USP36: variants seen among roughly 807,000 people sequenced by gnomAD.
USP36 encodes the protein ubiquitin specific peptidase 36.
USP36 carries 59 observed loss-of-function variants against 111.5 expected under a neutral mutation model. The ratio of observed to expected loss-of-function variants is 0.53; its 90% CI spans 0.43 to 0.66. The LOEUF is 0.66. Ranked by LOEUF, USP36 falls within the 30% of genes least tolerant of loss-of-function variation. USP36 has a pLI of 0.00. For missense variants in USP36, 1,488 were observed against 1,468.0 expected (o/e 1.01, Z -0.22); for synonymous variants, 628 against 581.0 (o/e 1.08, Z -1.16).
At chr17:78,806,118 A>G (rs1421397688) in intron 15 of USP36, 38 bp downstream of exon 15, 1 of 1,611,432 alleles carries the variant, frequency 6.2e-7, no homozygotes, top group East Asian at 2.2e-5. Context: ...CACAGGGAGA[A>G]CCAGTTGGCA....
rs372356830 is a variant in USP36 at position 78,835,455 on chromosome 17, C to A, written c.300G>T (p.Pro100=). The A allele has an allele frequency of 3.1e-6, 5 of 1,612,936 alleles. No homozygotes were observed. In the Admixed American group the frequency reaches 6.7e-5, roughly 22 times the overall value. ...YESCGDGVPA[P]QKVLFPTERL... ...GCTCCGTGGGGAAAAGCACTTTCTG[C>A]GGGGCTGGGACTCCGTCACCACAGC... The change falls in exon 4 of 21, where the codon CCG becomes CCT. Residue 100 remains proline (P), a synonymous_variant. Coordinates refer to ENST00000449938, the MANE Select transcript of USP36 (RefSeq NM_001385174.1).
rs540454498 is a variant in USP36, at chr17:78,803,936, G to A, written c.2259C>T (p.Pro753=). 3 of 1,603,158 alleles carry A rather than the reference G, an allele frequency of 1.9e-6. No homozygotes were observed. The highest frequency in any genetic ancestry group is 2.7e-5 in the African/African-American group (2 of 74,690). The change falls in exon 16 of 21, where the codon CCC becomes CCT. Residue 753 remains proline, a synonymous_variant. Coordinates refer to ENST00000449938, the MANE Select transcript of USP36 (RefSeq NM_001385174.1). The surrounding 1 kb of genome is among the most constrained non-coding windows in gnomAD (Gnocchi z 4.6). The stretch of plus-strand genomic sequence containing the variant: ...GCAATGTGGGGTGGGGGCTGAAGGG[G>A]GGTTGCAGGCGGCTGGATGATTGGG... ...PAPQSSSRLQ[P]PFSPHPTLLS...
chr17:78,840,435 G>A (rs2069171635), intron 1 of USP36: 1 of 152,436 alleles, frequency 6.6e-6, no homozygotes, highest in African/African-American at 2.4e-5. Flanking sequence ...CACAGACAGC[G>A]GGCCCCGGCG....
chr17:78,810,090 C>T (rs1324969863), intron 13 of USP36, among the ~76,000 whole-genome samples: 2 of 152,142 alleles, frequency 1.3e-5, no homozygotes, highest in Non-Finnish European at 2.9e-5. Flanking sequence ...AAATGGTCCA[C>T]CCACCTCAGC....
chr17:78,792,285 G>A (rs911518806), downstream of USP36, among the ~76,000 whole-genome samples: 1 of 152,056 alleles, frequency 6.6e-6, no homozygotes, highest in Non-Finnish European at 1.5e-5. Context: ...AGTGAGACAC[G>A]GGAGCAGACA....
Position 78,835,328 on chromosome 17 carries a change from T to C in USP36, c.427A>G (p.Thr143Ala). The change falls in exon 4 of 21, where the codon ACA becomes GCA. Residue 143 changes from threonine (T) to alanine (A), a missense_variant. By Grantham distance (58) the Thr-to-Ala change is moderately conservative. Around this residue, in one of 3 missense-constraint regions of USP36, gnomAD observed 219 missense variants for 209.5 expected, o/e 1.05. Transcript: ENST00000449938. ...LNATIQCLTY[T>A]PPLANYLLSK... is the part of the protein sequence containing the mutation. Reference sequence around the variant, plus strand: ...AGCAGGTAGTTGGCTAGAGGTGGTGTGTAGGTCAAGCACTGGATGGTGGCA... The same window carrying C: ...AGCAGGTAGTTGGCTAGAGGTGGTGCGTAGGTCAAGCACTGGATGGTGGCA... 6.2e-7 allele frequency: 1 copy of C among 1,614,188 alleles called. No individual in the cohort carries two copies. The highest frequency in any genetic ancestry group is 8.5e-7 in the Non-Finnish European group (1 of 1,180,042).
intron 13 of USP36, among the ~76,000 whole-genome samples, chr17:78,808,199 T>C (rs2093960646): frequency 6.6e-6 from 1 of 152,198 alleles, no homozygotes; most frequent in Non-Finnish European, 1.5e-5. Flanking sequence ...TGCATCCCAG[T>C]TTTATCTTAA....
At chr17:78,837,115 T>A (rs112053931) in intron 2 of USP36, among the ~76,000 whole-genome samples, 1 of 152,206 alleles carries the variant, frequency 6.6e-6, no homozygotes, top group Admixed American at 6.5e-5. Flanking sequence ...TTAAATAAAT[T>A]ATGAAAATGA....
rs1379098574 is a variant in USP36, at chr17:78,803,518, G to C, written c.2677C>G (p.Gln893Glu). ...ACCTGCTGGCCATTCACCTGTGGCT[G>C]TGTGCCATCTTCCTGCCGTCTGACA... The part of the protein sequence containing the change: ...PAVRRQEDGT[Q>E]PQVNGQQVGC... Residue 893 changes from glutamine (Q) to glutamate (E), a missense_variant, in exon 16 of 21, where the codon CAG (glutamine) becomes GAG (glutamate). Gln to Glu is a conservative substitution (Grantham distance 29). This residue lies in a region of USP36 where 1,073 missense variants were observed against 994.1 expected (regional missense o/e 1.08). Transcript: ENST00000449938. This position sits in a 1 kb window ranked among gnomAD's most constrained non-coding sequence, Gnocchi z 4.6. The C allele has an allele frequency of 6.2e-7, 1 of 1,613,900 alleles. No homozygotes were observed. The highest frequency in any genetic ancestry group is 1.3e-5 in the African/African-American group (1 of 75,042).
In USP36 at chr17:78,827,234, G is replaced by GGGGGGGGGGGGCCCC; in HGVS notation, c.689+10_689+11insGGGGCCCCCCCCCCC. The GGGGGGGGGGGGCCCC allele has an allele frequency of 1.1e-6, 1 of 894,950 alleles. No homozygotes were observed. Among genetic ancestry groups the GGGGGGGGGGGGCCCC allele is most frequent in the Non-Finnish European group, 1.7e-6 (1 of 595,502 alleles). 55.4% of individuals were successfully genotyped at this position (894,950 alleles called of 1,614,324 possible). On this transcript the variant is annotated intron_variant, in intron 6 of 20. Transcript: ENST00000449938. ...CCAAAGCCCTGGGAGGGTGGGTGGGGAAGCACGCACTTGGCACAGCCATTC... is the reference window on the plus strand; with the variant it reads ...CCAAAGCCCTGGGAGGGTGGGTGGGGGGGGGGGGGGGCCCCAAGCACGCACTTGGCACAGCCATTC...
chr17:78,814,694 T>G, intron 10 of USP36, 142 bp from the exon 11 acceptor site: 3 of 1,033,306 alleles, frequency 2.9e-6, no homozygotes, highest in Non-Finnish European at 4.1e-6. Flanking sequence ...GGCTCACGCC[T>G]GTAATCCCAG....
In USP36 at chr17:78,797,600, GA is replaced by G. The variant is rs2093648528; in HGVS notation, c.*299del. On this transcript the variant is annotated 3_prime_UTR_variant, in exon 21 of 21. Coordinates refer to ENST00000449938, the MANE Select transcript of USP36 (RefSeq NM_001385174.1). The stretch of plus-strand genomic sequence containing the variant: ...TCTGCCAGCACAGACCACTGTCTAT[GA>G]AACATGAGAAGGCACAGCCTGGCAA... 1 of 152,378 alleles carries G rather than the reference GA, an allele frequency of 6.6e-6. No individual in the cohort carries two copies. Among genetic ancestry groups the G allele is most frequent in the South Asian group, 2.1e-4 (1 of 4,832 alleles). 9.4% of individuals were successfully genotyped at this position (152,378 alleles called of 1,614,324 possible). A position where few individuals can be genotyped will look rare whatever the true frequency, so the allele number is the denominator to read the frequency against.
chr17:78,813,771 ACCGC>A lies in USP36; in HGVS notation c.1263_1265+1del. 6.2e-7 allele frequency: 1 copy of A among 1,613,790 alleles called. No individual in the cohort carries two copies. The highest frequency in any genetic ancestry group is 8.5e-7 in the Non-Finnish European group (1 of 1,179,762). ...CATCTGGGGAGGGCGTGAGTTTATT[ACCGC>A]AGATAGAACAGCACGTAGGCCTGCT... On this transcript the variant is annotated splice_donor_variant and coding_sequence_variant, in exon 12 of 21. Transcript: ENST00000449938. LOFTEE classifies it high-confidence loss of function.
At chr17:78,810,413 G>A (rs1044562027) in intron 13 of USP36, among the ~76,000 whole-genome samples, 11 of 152,174 alleles carry the variant, frequency 7.2e-5, no homozygotes. Context: ...TCAGCCTCCT[G>A]AGTAGCTGGG....
chr17:78,830,404 A>G (rs1230286355), intron 4 of USP36, among the ~76,000 whole-genome samples: 1 of 152,234 alleles, frequency 6.6e-6, no homozygotes. Flanking sequence ...TTATGTATCC[A>G]CCACTAACAC....
In USP36 at chr17:78,803,392, G is replaced by A. The variant is rs745657752; in HGVS notation, c.2803C>T (p.Arg935Trp). The A allele has an allele frequency of 9.3e-6, 15 of 1,612,832 alleles. No homozygotes were observed. The highest frequency in any genetic ancestry group is 2.2e-5 in the East Asian group (1 of 44,856). ...EEGGLHQDPL[R>W]HSCSPMGDGD... is the part of the protein sequence containing the mutation. ...CTTTGCTCCTGCCCTTACCTGTGCC[G>A]AAGTGGGTCCTGGTGCAGGCCGCCT... is the stretch of plus-strand genomic sequence containing the variant. Residue 935 changes from arginine (R) to tryptophan (W), a missense_variant, in exon 16 of 21, where the codon CGG (arginine) becomes TGG (tryptophan). Transcript: ENST00000449938. This position sits in a 1 kb window ranked among gnomAD's most constrained non-coding sequence, Gnocchi z 4.6.
intron 10 of USP36, among the ~76,000 whole-genome samples, chr17:78,816,347 C>T (rs558721260): frequency 6.6e-6 from 1 of 151,784 alleles, no homozygotes; most frequent in Non-Finnish European, 1.5e-5. Flanking sequence ...TTTTTTAGGC[C>T]GGGCATGATG....
At chr17:78,804,489 CAAAAACA>C (rs1160420261) in intron 15 of USP36, among the ~76,000 whole-genome samples, 2 of 50,578 alleles carry the variant, frequency 4.0e-5, no homozygotes, top group Non-Finnish European at 9.0e-5. Flanking sequence ...AAAACAAAAA[CAAAAACA>C]AAAAAAAAAA....
Position 78,798,937 on chromosome 17 carries a change from C to T in USP36, c.3211G>A (p.Asp1071Asn). The T allele has an allele frequency of 6.2e-7, 1 of 1,614,170 alleles. No individual in the cohort carries two copies. The highest frequency in any genetic ancestry group is 8.5e-7 in the Non-Finnish European group (1 of 1,180,042). Reference sequence around the variant, plus strand: ...CCTCGGTCAAACTCTTCGTCCCAGTCATCAACCACGGTCTCAGTCCGGGCC... The same window carrying T: ...CCTCGGTCAAACTCTTCGTCCCAGTTATCAACCACGGTCTCAGTCCGGGCC... The part of the protein sequence containing the change: ...RQARTETVVD[D>N]WDEEFDRGKE... The change falls in exon 19 of 21, where the codon GAC becomes AAC. Residue 1071 changes from aspartate to asparagine, a missense_variant. Physicochemically the swap from Asp to Asn is conservative, Grantham distance 23. Coordinates refer to ENST00000449938, the MANE Select transcript of USP36 (RefSeq NM_001385174.1). This position sits in a 1 kb window ranked among gnomAD's most constrained non-coding sequence, Gnocchi z 5.1.
Sources: gnomAD v4.1 joint callset for allele counts (sites outside exome capture counted in the v4.1 genomes callset) on GRCh38, gnomAD v4.1.1 for gene constraint, gnomAD v4.1.1 regional missense constraint, Gnocchi (gnomAD v3.1) non-coding constraint, MANE v1.5 for transcripts, NCBI Gene and HGNC (gene_info 2026-07-23, HGNC 2026-07-21) for gene names.